The following MLF2 variants were observed in gnomAD, a reference collection of about 807,000 sequenced individuals.
The protein encoded by MLF2 is myelodysplasia-myeloid leukemia factor 2.
A neutral mutation model predicts 31.4 loss-of-function variants in MLF2; 12 were observed. The observed-to-expected ratio is 0.38, with a 90% CI of 0.24 to 0.62. The LOEUF is 0.62. Ranked by LOEUF, MLF2 falls within the 20% of genes least tolerant of loss-of-function variation. The probability of loss-of-function intolerance (pLI) is 0.58; values close to 1 mark genes in which losing one functional copy is unlikely to be tolerated. For missense variants in MLF2, 272 were observed against 359.7 expected, an observed-to-expected ratio of 0.76 and a Z score of 1.97; for synonymous variants, 109 against 118.8, an observed-to-expected ratio of 0.92 and a Z score of 0.54.
rs1941592057 is a variant in MLF2, at chr12:6,750,129, T to C, written c.399+48A>G. 6.2e-7 allele frequency: 1 copy of C among 1,613,722 alleles called. No individual in the cohort carries two copies. The highest frequency in any genetic ancestry group is 1.1e-5 in the South Asian group (1 of 91,036). ...AAAAAGCAGCCAGGGTTTCTGGCGG[T>C]GCCGCTCAATCCTACCTTCTCTGGG... On this transcript the variant is annotated intron_variant, in intron 6 of 8. Coordinates refer to ENST00000203630, the MANE Select transcript of MLF2 (RefSeq NM_001382226.1). The surrounding 1 kb of genome is among the most constrained non-coding windows in gnomAD (Gnocchi z 5.3).
chr12:6,748,006 A>G lies in MLF2; in HGVS notation c.*567T>C, dbSNP rs915844273. 6 of 152,240 alleles carry G rather than the reference A, an allele frequency of 3.9e-5. No homozygotes were observed. Among genetic ancestry groups the G allele is most frequent in the Non-Finnish European group, 8.8e-5 (6 of 68,052 alleles). The allele number at this position is 152,240 out of a possible 1,614,324, so 9.4% of individuals were successfully genotyped here. A position where few individuals can be genotyped will look rare whatever the true frequency, so the allele number is the denominator to read the frequency against. On this transcript the variant is annotated 3_prime_UTR_variant, in exon 9 of 9. Transcript: ENST00000203630. The surrounding 1 kb of genome is among the most constrained non-coding windows in gnomAD (Gnocchi z 4.6). ...CAGAATCCCACTTGGTCTTTTTTCCATTCTCCTTTATTCCATAAACACCTA... is the reference window on the plus strand; with the variant it reads ...CAGAATCCCACTTGGTCTTTTTTCCGTTCTCCTTTATTCCATAAACACCTA...
chr12:6,749,950 T>C lies in MLF2; in HGVS notation c.457A>G (p.Ile153Val), dbSNP rs1312920527. 9.9e-6 allele frequency: 16 copies of C among 1,614,202 alleles called. No individual in the cohort carries two copies. The highest frequency in any genetic ancestry group is 2.2e-5 in the East Asian group (1 of 44,886). Residue 153 changes from isoleucine (I) to valine (V), a missense_variant, in exon 7 of 9, where the codon ATT becomes GTT. Ile to Val is a conservative substitution (Grantham distance 29, BLOSUM62 3). Transcript: ENST00000203630. The surrounding 1 kb of genome is among the most constrained non-coding windows in gnomAD (Gnocchi z 5.3). ...DSDSGLEQMS[I>V]GHHIRDRAHI... ...GCCCTGTCCCGGATGTGATGCCCAA[T>C]GGACATCTGCTCCAGTCCACTGTCT... is the stretch of plus-strand genomic sequence containing the variant.
chr12:6,751,766 T>C (rs994897850), intron 3 of MLF2, 90 bp from the exon 4 acceptor site: 71 of 1,577,652 alleles, frequency 4.5e-5, no homozygotes, highest in Middle Eastern at 1.7e-4. Flanking sequence ...TTTTTTTCCA[T>C]CCTCTCAAAA....
At position 6,749,021 on chromosome 12, in the gene MLF2, C is replaced by T. The variant is rs1291864358; in HGVS notation, c.560-39G>A. ...AGCGGACATGAGGCCTGTGTGCGGCCTGGCTCCTGGAGGCCGATGTGCGAG... is the reference window on the plus strand; with the variant it reads ...AGCGGACATGAGGCCTGTGTGCGGCTTGGCTCCTGGAGGCCGATGTGCGAG... On this transcript the variant is annotated intron_variant, in intron 7 of 8. Coordinates refer to ENST00000203630, the MANE Select transcript of MLF2 (RefSeq NM_001382226.1). The surrounding 1 kb of genome is among the most constrained non-coding windows in gnomAD (Gnocchi z 5.3). The T allele has an allele frequency of 1.3e-6, 2 of 1,504,108 alleles. No homozygotes were observed. The highest frequency in any genetic ancestry group is 1.8e-6 in the Non-Finnish European group (2 of 1,134,800). The allele number at this position is 1,504,108 out of a possible 1,614,324, so 93.2% of individuals were successfully genotyped here.
chr12:6,752,038 G>A lies in MLF2; in HGVS notation c.67C>T (p.His23Tyr). ...PMFLMDPFAI[H>Y]RQHMSRMLSG... ...AACATACGGCTCATATGCTGACGGT[G>A]AATAGCAAAGGGATCCCTGTGGAGT... is the stretch of plus-strand genomic sequence containing the variant. Residue 23 changes from histidine to tyrosine, a missense_variant, in exon 3 of 9, where the codon CAC becomes TAC. His to Tyr is a moderately conservative substitution (Grantham distance 83). Coordinates refer to ENST00000203630, the MANE Select transcript of MLF2 (RefSeq NM_001382226.1). This position sits in a 1 kb window ranked among gnomAD's most constrained non-coding sequence, Gnocchi z 4.6. 2 of 1,614,156 alleles carry A rather than the reference G, an allele frequency of 1.2e-6. No individual in the cohort carries two copies. Among genetic ancestry groups the A allele is most frequent in the Non-Finnish European group, 1.7e-6 (2 of 1,180,032 alleles).
intron 4 of MLF2, among the ~76,000 whole-genome samples, chr12:6,751,431 G>C (rs576048134): frequency 6.6e-6 from 1 of 152,150 alleles, no homozygotes; most frequent in African/African-American, 2.4e-5. Flanking sequence ...GACTGCAAGT[G>C]ATCACCCATC....
Sources: gnomAD v4.1 joint callset for allele counts (sites outside exome capture counted in the v4.1 genomes callset) on GRCh38, gnomAD v4.1.1 for gene constraint, Gnocchi (gnomAD v3.1) non-coding constraint, MANE v1.5 for transcripts, NCBI Gene and HGNC (gene_info 2026-07-23, HGNC 2026-07-21) for gene names.